Variants in IL15RA observed in about 807,000 individuals in gnomAD.
IL15RA encodes the protein interleukin 15 receptor subunit alpha, also known as interleukin-15 receptor subunit alpha.
IL15RA carries 26 observed loss-of-function variants against 24.2 expected under a neutral mutation model. That is an observed-to-expected ratio of 1.07 (90% CI 0.79 to 1.49). IL15RA has a LOEUF of 1.49. Ranked by LOEUF, IL15RA falls within the 40% of genes most tolerant of loss-of-function variation. The probability of loss-of-function intolerance (pLI) is 0.00; values close to 1 mark genes in which losing one functional copy is unlikely to be tolerated. For synonymous variants in IL15RA, 166 were observed against 157.6 expected (o/e 1.05, Z -0.40); for missense variants, 354 against 356.4 (o/e 0.99, Z 0.05).
intron 6 of IL15RA, among the ~76,000 whole-genome samples, chr10:5,956,140 G>A (rs1235931594): frequency 6.6e-6 from 1 of 151,956 alleles, no homozygotes; most frequent in Non-Finnish European, 1.5e-5. Flanking sequence ...TCAGCCTCCC[G>A]AATAGCTGGG....
chr10:5,960,288 G>C lies in IL15RA; in HGVS notation c.583+79C>G. The C allele has an allele frequency of 7.6e-7, 1 of 1,309,190 alleles. No individual in the cohort carries two copies. The allele number at this position is 1,309,190 out of a possible 1,614,324, so 81.1% of individuals were successfully genotyped here. A position where few individuals can be genotyped will look rare whatever the true frequency, so the allele number is the denominator to read the frequency against. ...GACTTTGGATTGATGGTATAAAGCT[G>C]CCTTGTGCCGGATCTCAGCCCCGAT... On this transcript the variant is annotated intron_variant, in intron 4 of 6. Transcript: ENST00000379977. The surrounding 1 kb of genome is among the most constrained non-coding windows in gnomAD (Gnocchi z 5.1).
In IL15RA at chr10:5,970,736, A is replaced by ATTTTATT. The variant is rs1837444143; in HGVS notation, c.89-4398_89-4397insAATAAAA. 1.4e-5 allele frequency among the ~76,000 whole-genome samples: 2 copies of ATTTTATT among 143,546 alleles called. No individual in the cohort carries two copies. Among genetic ancestry groups the ATTTTATT allele is most frequent in the East Asian group, 2.0e-4 (1 of 4,928 alleles). The allele number at this position is 143,546 out of a possible 152,430, so 94.2% of individuals were successfully genotyped here. ...TAAAATGATTTTATTTTATTTCATT[A>ATTTTATT]TTATTTTATTTTATTTTATTTTATT... On this transcript the variant is annotated intron_variant, in intron 1 of 6. Transcript: ENST00000379977. This position sits in a 1 kb window ranked among gnomAD's most constrained non-coding sequence, Gnocchi z 4.1.
chr10:5,961,714 G>A lies in IL15RA; in HGVS notation c.383-1147C>T, dbSNP rs966692008. Among the ~76,000 whole-genome samples the A allele has an allele frequency of 5.3e-5, 8 of 152,182 alleles. No individual in the cohort carries two copies. The highest frequency in any genetic ancestry group is 1.9e-4 in the African/African-American group (8 of 41,430). ...AAGGTGGCTGCCCCTGCACTGTAAGGGTGTGGCGTAACTGTGCTGTTCCCT... is the reference window on the plus strand; with the variant it reads ...AAGGTGGCTGCCCCTGCACTGTAAGAGTGTGGCGTAACTGTGCTGTTCCCT... On this transcript the variant is annotated intron_variant, in intron 3 of 6. Transcript: ENST00000379977. This position sits in a 1 kb window ranked among gnomAD's most constrained non-coding sequence, Gnocchi z 5.2.
downstream of IL15RA, chr10:5,948,988 A>C: frequency 3.3e-6 from 1 of 304,722 alleles, no homozygotes; most frequent in Non-Finnish European, 6.7e-6. Flanking sequence ...CAGACAAGGA[A>C]GTATAAATGC....
At position 5,963,921 on chromosome 10, in the gene IL15RA, A is replaced by C; in HGVS notation, c.284-80T>G. On this transcript the variant is annotated intron_variant, in intron 2 of 6. Coordinates refer to ENST00000379977, the MANE Select transcript of IL15RA (RefSeq NM_002189.4). This position sits in a 1 kb window ranked among gnomAD's most constrained non-coding sequence, Gnocchi z 5.3. ...GGCTTCAGAACGGGATACAAATAAA[A>C]TATATCAACACATGAACTTACAGTG... 1.2e-6 allele frequency: 1 copy of C among 824,474 alleles called. No individual in the cohort carries two copies. The highest frequency in any genetic ancestry group is 1.9e-6 in the Non-Finnish European group (1 of 531,158). 51.1% of individuals were successfully genotyped at this position (824,474 alleles called of 1,614,324 possible).
At chr10:5,977,639 T>G, upstream of IL15RA, 1 of 1,256,934 alleles carries the variant, frequency 8.0e-7, no homozygotes, top group Middle Eastern at 2.1e-4. Context: ...CTCGGAGAGG[T>G]GCAAAGCGGT....
Position 5,964,355 on chromosome 10 carries a change from C to G in IL15RA, c.284-514G>C, listed in dbSNP as rs1429336991. Among the ~76,000 whole-genome samples, 1 of 152,086 alleles carries G rather than the reference C, an allele frequency of 6.6e-6. No homozygotes were observed. The highest frequency in any genetic ancestry group is 1.5e-5 in the Non-Finnish European group (1 of 68,030). On this transcript the variant is annotated intron_variant, in intron 2 of 6. Coordinates refer to ENST00000379977, the MANE Select transcript of IL15RA (RefSeq NM_002189.4). The surrounding 1 kb of genome is among the most constrained non-coding windows in gnomAD (Gnocchi z 5.6). ...TATCTTTTAATTTTTTTGGTAGAGA[C>G]AGGGTCTTGCTATGTTGCTGAGGCT...
In IL15RA at chr10:5,965,524, C is replaced by A. The variant is rs1170214124; in HGVS notation, c.283+621G>T. Among the ~76,000 whole-genome samples, 4 of 152,248 alleles carry A rather than the reference C, an allele frequency of 2.6e-5. No homozygotes were observed. On this transcript the variant is annotated intron_variant, in intron 2 of 6. Transcript: ENST00000379977. This position sits in a 1 kb window ranked among gnomAD's most constrained non-coding sequence, Gnocchi z 5.8. ...AATATTTACCAGGGTTCACGCCACC[C>A]TCCCACAGCCCGCAGTGTGGATATC...
rs189386990 is a variant in IL15RA at position 5,964,233 on chromosome 10, A to G, written c.284-392T>C. Among the ~76,000 whole-genome samples the G allele has an allele frequency of 6.6e-6, 1 of 152,120 alleles. No individual in the cohort carries two copies. Among genetic ancestry groups the G allele is most frequent in the Admixed American group, 6.5e-5 (1 of 15,276 alleles). On this transcript the variant is annotated intron_variant, in intron 2 of 6. Coordinates refer to ENST00000379977, the MANE Select transcript of IL15RA (RefSeq NM_002189.4). This position sits in a 1 kb window ranked among gnomAD's most constrained non-coding sequence, Gnocchi z 5.6. ...GAGTGCAGTAGTGTGATCACAACTC[A>G]CTGCAGCCTTGACCTCCCGGGCTCA...
At chr10:5,969,591 G>A (rs1161347613) in intron 1 of IL15RA, among the ~76,000 whole-genome samples, 3 of 152,218 alleles carry the variant, frequency 2.0e-5, no homozygotes, top group African/African-American at 7.2e-5. Flanking sequence ...TGCTCAGGCT[G>A]GTCTCAAACT....
At position 5,961,526 on chromosome 10, in the gene IL15RA, G is replaced by A. The variant is rs1835528319; in HGVS notation, c.383-959C>T. 6.6e-6 allele frequency among the ~76,000 whole-genome samples: 1 copy of A among 152,256 alleles called. No homozygotes were observed. Among genetic ancestry groups the A allele is most frequent in the Admixed American group, 6.5e-5 (1 of 15,282 alleles). On this transcript the variant is annotated intron_variant, in intron 3 of 6. Coordinates refer to ENST00000379977, the MANE Select transcript of IL15RA (RefSeq NM_002189.4). The surrounding 1 kb of genome is among the most constrained non-coding windows in gnomAD (Gnocchi z 5.2). ...AGCTGAGAGCAGGTGAAGCTGCGCT[G>A]GCCGAGGACGCTCGGAGCGGCTGCG...
rs932575583 is a variant in IL15RA at position 5,973,112 on chromosome 10, A to C, written c.88+4293T>G. On this transcript the variant is annotated intron_variant, in intron 1 of 6. Transcript: ENST00000379977. This position sits in a 1 kb window ranked among gnomAD's most constrained non-coding sequence, Gnocchi z 4.5. The stretch of plus-strand genomic sequence containing the variant: ...ATCGCCCGCAATCTTTCAGACTGAA[A>C]TGCTCTCTAAGAAGTCAGTGACCTT... Among the ~76,000 whole-genome samples the C allele has an allele frequency of 6.6e-6, 1 of 152,222 alleles. No individual in the cohort carries two copies. The highest frequency in any genetic ancestry group is 1.5e-5 in the Non-Finnish European group (1 of 68,036).
chr10:5,977,880 T>A, upstream of IL15RA: 1 of 354,210 alleles, frequency 2.8e-6, no homozygotes, highest in Non-Finnish European at 5.1e-6. Context: ...GTGGGCAAAG[T>A]CATCGGAGAG....
intron 1 of IL15RA, among the ~76,000 whole-genome samples, chr10:5,974,507 G>A (rs1434364477): frequency 1.3e-5 from 2 of 151,884 alleles, no homozygotes; most frequent in Admixed American, 1.3e-4. Context: ...GAAGGAACTG[G>A]AACTTCCCTA....
chr10:5,960,857 G>A lies in IL15RA; in HGVS notation c.383-290C>T, dbSNP rs561137440. Reference sequence around the variant, plus strand: ...AACACTTTGGGAGGCTGAGGTGTGAGGATCACTTGAGCCCAGGAGTTTAAG... The same window carrying A: ...AACACTTTGGGAGGCTGAGGTGTGAAGATCACTTGAGCCCAGGAGTTTAAG... On this transcript the variant is annotated intron_variant, in intron 3 of 6. Coordinates refer to ENST00000379977, the MANE Select transcript of IL15RA (RefSeq NM_002189.4). The surrounding 1 kb of genome is among the most constrained non-coding windows in gnomAD (Gnocchi z 5.1). 1.1e-3 allele frequency among the ~76,000 whole-genome samples: 161 copies of A among 152,266 alleles called. No homozygotes were observed. The highest frequency in any genetic ancestry group is 1.8e-3 in the Non-Finnish European group (125 of 68,026).
downstream of IL15RA, chr10:5,949,049 CGATGGAG>C: frequency 2.9e-6 from 1 of 348,270 alleles, no homozygotes; most frequent in Non-Finnish European, 5.8e-6. This position sits in a 1 kb window ranked among gnomAD's most constrained non-coding sequence, Gnocchi z 4.4. Context: ...CTGAATCCTT[CGATGGAG>C]AGGATTCACT....
At chr10:5,969,072 A>G (rs924816587) in intron 1 of IL15RA, 12 of 1,117,506 alleles carry the variant, frequency 1.1e-5, no homozygotes, top group Admixed American at 2.2e-5. Flanking sequence ...CCATCGATCT[A>G]TGTGTCTGTT....
In IL15RA at chr10:5,963,505, T is replaced by A. The variant is rs553913430; in HGVS notation, c.382+238A>T. Among the ~76,000 whole-genome samples, 1 of 152,244 alleles carries A rather than the reference T, an allele frequency of 6.6e-6. No individual in the cohort carries two copies. The highest frequency in any genetic ancestry group is 1.5e-5 in the Non-Finnish European group (1 of 68,046). On this transcript the variant is annotated intron_variant, in intron 3 of 6. Coordinates refer to ENST00000379977, the MANE Select transcript of IL15RA (RefSeq NM_002189.4). The surrounding 1 kb of genome is among the most constrained non-coding windows in gnomAD (Gnocchi z 5.3). ...CTACAACTAAATTTGATATGACATA[T>A]TAGTGAGTTTTAAACCACTATTAAT...
chr10:5,951,893 C>G (rs536608735), downstream of IL15RA, among the ~76,000 whole-genome samples: 1 of 152,020 alleles, frequency 6.6e-6, no homozygotes, highest in Non-Finnish European at 1.5e-5. Flanking sequence ...CTCCTGGGCT[C>G]GATCAATCCT....
Sources: gnomAD v4.1 joint callset for allele counts (sites outside exome capture counted in the v4.1 genomes callset) on GRCh38, gnomAD v4.1.1 for gene constraint, Gnocchi (gnomAD v3.1) non-coding constraint, MANE v1.5 for transcripts, NCBI Gene and HGNC (gene_info 2026-07-23, HGNC 2026-07-21) for gene names.